Variants in STAU2 observed in about 807,000 individuals in gnomAD.
STAU2 encodes the protein staufen double-stranded RNA binding protein 2, also known as double-stranded RNA-binding protein Staufen homolog 2.
A neutral mutation model predicts 65.9 loss-of-function variants in STAU2; 20 were observed. The observed-to-expected ratio is 0.30, with a 90% CI of 0.21 to 0.44. The LOEUF (loss-of-function observed/expected upper bound fraction) is 0.44, where lower values mean the gene tolerates loss of function less well. STAU2 is among the 20% of genes least tolerant of loss of function. The pLI is 1.00. For synonymous variants in STAU2, 232 were observed against 233.9 expected, an observed-to-expected ratio of 0.99 and a Z score of 0.07; for missense variants, 558 against 683.9, an observed-to-expected ratio of 0.82 and a Z score of 2.05.
chr8:73,582,459 TA>T (rs1417907518), intron 12 of STAU2, among the ~76,000 whole-genome samples: 1 of 150,240 alleles, frequency 6.7e-6, no homozygotes, highest in Non-Finnish European at 1.5e-5. Flanking sequence ...TTATTTAAAT[TA>T]TTTTTTATAT....
chr8:73,532,312 T>C lies in STAU2; in HGVS notation c.1530+19700A>G, dbSNP rs542669599. Among the ~76,000 whole-genome samples the C allele has an allele frequency of 2.5e-4, 38 of 152,340 alleles. 1 individual carries two copies. In the South Asian group the frequency reaches 6.4e-3, roughly 26 times the overall value. On this transcript the variant is annotated intron_variant, in intron 13 of 14. Transcript: ENST00000524300. ...GCCTTGAAATGGCCCTGCAAAGCAG[T>C]ACCTTGTGCGGGGAACGTGCACCTG...
intron 6 of STAU2, among the ~76,000 whole-genome samples, chr8:73,663,450 C>T (rs1816988884): frequency 6.6e-6 from 1 of 152,006 alleles, no homozygotes; most frequent in Admixed American, 6.6e-5. Flanking sequence ...TATATCTGTC[C>T]CTATGTTAAT....
At chr8:73,523,501 G>A (rs1362014410) in intron 13 of STAU2, among the ~76,000 whole-genome samples, 4 of 152,016 alleles carry the variant, frequency 2.6e-5, no homozygotes, top group East Asian at 1.9e-4. Context: ...TTTGACAAAC[G>A]CAGTCATGTT....
At chr8:73,621,875 G>C (rs1054956673) in intron 6 of STAU2, among the ~76,000 whole-genome samples, 2 of 151,540 alleles carry the variant, frequency 1.3e-5, no homozygotes, top group Non-Finnish European at 2.9e-5. Context: ...TGGCCCATGT[G>C]ACTTGGCAAT....
At chr8:73,672,924 T>G (rs181248933) in intron 6 of STAU2, 183 bp downstream of exon 6, 13 of 481,898 alleles carry the variant, frequency 2.7e-5, no homozygotes, top group East Asian at 2.3e-4. Flanking sequence ...AACTAGTTCC[T>G]GAAAACTGGG....
intron 7 of STAU2, 102 bp from the exon 8 acceptor site, chr8:73,615,884 A>T (rs1812802772): frequency 2.4e-6 from 2 of 841,434 alleles, no homozygotes; most frequent in Non-Finnish European, 3.9e-6. Flanking sequence ...AGAAGAAACA[A>T]CAAACTATAT....
intron 13 of STAU2, among the ~76,000 whole-genome samples, chr8:73,508,372 G>C (rs978996216): frequency 8.5e-5 from 13 of 152,154 alleles, no homozygotes; most frequent in African/African-American, 2.7e-4. Flanking sequence ...AGGAGATGGA[G>C]AGAGATGGGG....
At chr8:73,657,622 A>ATT (rs1816479223) in intron 6 of STAU2, among the ~76,000 whole-genome samples, 1 of 151,916 alleles carries the variant, frequency 6.6e-6, no homozygotes, top group African/African-American at 2.4e-5. Context: ...TTATTTGCTC[A>ATT]TTTTTTTCTT....
rs1382040164 is a variant in STAU2 at position 73,420,977 on chromosome 8, G to C, written c.*395C>G. The C allele has an allele frequency of 6.0e-6, 1 of 167,942 alleles. No homozygotes were observed. Among genetic ancestry groups the C allele is most frequent in the African/African-American group, 2.4e-5 (1 of 41,826 alleles). 10.4% of individuals were successfully genotyped at this position (167,942 alleles called of 1,614,324 possible). A position where few individuals can be genotyped will look rare whatever the true frequency, so the allele number is the denominator to read the frequency against. On this transcript the variant is annotated 3_prime_UTR_variant, in exon 15 of 15. Transcript: ENST00000524300. ...AGCAGTATTTGAAATGAGAGAGAGA[G>C]AGAATATAACTGAACACAAGCACCA...
chr8:73,688,807 A>G lies in STAU2; in HGVS notation c.121T>C (p.Ser41Pro). Reference protein sequence around the residue: ...ERGPAHSKMFSVQLSLGEQTW... With the variant: ...ERGPAHSKMFPVQLSLGEQTW... The stretch of plus-strand genomic sequence containing the variant: ...TGCTCACCAAGACTCAGCTGCACTG[A>G]GAACATCTTAGAAAAACATAAATAG... The change falls in exon 5 of 15, where the codon TCA becomes CCA. Residue 41 changes from serine to proline, a missense_variant. By Grantham distance (74) the Ser-to-Pro change is moderately conservative. This residue lies in a region of STAU2 where 112 missense variants were observed against 114.2 expected (regional missense o/e 0.98). Transcript: ENST00000524300. 1 of 1,613,008 alleles carries G rather than the reference A, an allele frequency of 6.2e-7. No homozygotes were observed. Among genetic ancestry groups the G allele is most frequent in the Non-Finnish European group, 8.5e-7 (1 of 1,179,586 alleles).
intron 9 of STAU2, among the ~76,000 whole-genome samples, chr8:73,612,076 C>G (rs2129822995): frequency 6.6e-6 from 1 of 152,246 alleles, no homozygotes; most frequent in South Asian, 2.1e-4. Flanking sequence ...TGCCACCATT[C>G]CAACATAAAA....
intron 13 of STAU2, among the ~76,000 whole-genome samples, chr8:73,428,406 G>A (rs1816991718): frequency 6.6e-6 from 1 of 152,008 alleles, no homozygotes; most frequent in South Asian, 2.1e-4. Flanking sequence ...CTTTGCTATT[G>A]TGAATACTGT....
intron 2 of STAU2, 54 bp downstream of exon 2, chr8:73,739,702 C>T: frequency 7.0e-7 from 1 of 1,424,218 alleles, no homozygotes; most frequent in Non-Finnish European, 9.2e-7. Flanking sequence ...GTATAAAGAG[C>T]ACACGGCCTG....
At chr8:73,557,820 A>G (rs1253371555) in intron 12 of STAU2, among the ~76,000 whole-genome samples, 1 of 152,160 alleles carries the variant, frequency 6.6e-6, no homozygotes, top group East Asian at 1.9e-4. Context: ...TCCTGAACCC[A>G]TTCTGCCATC....
chr8:73,450,516 C>CT (rs1818747138), intron 13 of STAU2, among the ~76,000 whole-genome samples: 1 of 152,160 alleles, frequency 6.6e-6, no homozygotes, highest in African/African-American at 2.4e-5. Context: ...CGTTTGGGGG[C>CT]TAGGACTTCA....
At chr8:73,742,082 G>T (rs746308185) in intron 1 of STAU2, 2 of 383,100 alleles carry the variant, frequency 5.2e-6, no homozygotes, top group Non-Finnish European at 7.2e-6. Context: ...TTATACCATG[G>T]ACAATTCAGA....
intron 10 of STAU2, among the ~76,000 whole-genome samples, chr8:73,598,087 A>G (rs988445351): frequency 1.3e-5 from 2 of 152,368 alleles, no homozygotes; most frequent in South Asian, 4.1e-4. Flanking sequence ...TGAATAAAGC[A>G]ATATAGAAAA....
chr8:73,578,476 G>A (rs2128960513), intron 12 of STAU2, among the ~76,000 whole-genome samples: 1 of 152,234 alleles, frequency 6.6e-6, no homozygotes, highest in South Asian at 2.1e-4. Flanking sequence ...CTAATATACA[G>A]TCATCAATGT....
At chr8:73,701,918 T>C (rs1820135262) in intron 4 of STAU2, among the ~76,000 whole-genome samples, 1 of 152,182 alleles carries the variant, frequency 6.6e-6, no homozygotes, top group African/African-American at 2.4e-5. Context: ...GATCCTGTCA[T>C]TTGCAATAAC....
Sources: allele counts gnomAD v4.1 joint callset (sites outside exome capture counted in the v4.1 genomes callset), GRCh38; gene constraint gnomAD v4.1.1; regional missense constraint gnomAD v4.1.1; transcripts MANE v1.5; gene names NCBI Gene and HGNC (gene_info 2026-07-23, HGNC 2026-07-21).